The following H2AC14 variants were observed in gnomAD, a reference collection of about 807,000 sequenced individuals.
H2AC14 encodes the protein H2A clustered histone 14.
H2AC14 carries 6 observed loss-of-function variants against 5.7 expected under a neutral mutation model. That is an observed-to-expected ratio of 1.05 (90% CI 0.57 to 2.07). H2AC14 has a LOEUF of 2.07. H2AC14 is among the 30% of genes most tolerant of loss of function. H2AC14 has a pLI of 0.00. For synonymous variants in H2AC14, 121 were observed against 79.3 expected (o/e 1.53, Z -2.80); for missense variants, 136 against 174.6 (o/e 0.78, Z 1.25).
In H2AC14 at chr6:27,814,535, T is replaced by C; in HGVS notation, c.206A>G (p.Asn69Ser). ...LTAEILELAG[N>S]AARDNKKTRI... The stretch of plus-strand genomic sequence containing the variant: ...AGTCTTCTTGTTGTCGCGGGCCGCG[T>C]TGCCAGCCAGCTCCAGGATCTCGGC... The change falls in exon 1 of 1, where the codon AAC becomes AGC. Residue 69 changes from asparagine to serine, a missense_variant. Transcript: ENST00000333151. 1 of 1,609,082 alleles carries C rather than the reference T, an allele frequency of 6.2e-7. No homozygotes were observed. The highest frequency in any genetic ancestry group is 8.5e-7 in the Non-Finnish European group (1 of 1,176,396).
In H2AC14 at chr6:27,814,431, C is replaced by T; in HGVS notation, c.310G>A (p.Ala104Thr). 1 of 1,614,116 alleles carries T rather than the reference C, an allele frequency of 6.2e-7. No homozygotes were observed. The highest frequency in any genetic ancestry group is 1.3e-5 in the African/African-American group (1 of 75,010). The change falls in exon 1 of 1, where the codon GCA becomes ACA. Residue 104 changes from alanine (A) to threonine (T), a missense_variant. Physicochemically the swap from Ala to Thr is moderately conservative, Grantham distance 58. Transcript: ENST00000333151. ...ATGTTGGGCAGGACGCCACCCTGTG[C>T]GATGGTGACTTTGCCCAGAAGCTTG... ...LNKLLGKVTI[A>T]QGGVLPNIQA...
At position 27,814,760 on chromosome 6, in the gene H2AC14, T is replaced by A. The variant is rs401754; in HGVS notation, c.-20A>T. 0.1 allele frequency: 146,842 copies of A among 1,463,800 alleles called. 11,646 individuals carry two copies. The highest frequency in any genetic ancestry group is 0.18 in the African/African-American group (12,396 of 70,072). The allele number at this position is 1,463,800 out of a possible 1,614,324, so 90.7% of individuals were successfully genotyped here. A position where few individuals can be genotyped will look rare whatever the true frequency, so the allele number is the denominator to read the frequency against. ...AGACATGGCAAAAGGTCTATTACCT[T>A]TACGGTCAAGAAAGACTGAAATGAA... On this transcript the variant is annotated 5_prime_UTR_variant, in exon 1 of 1. Transcript: ENST00000333151.
Position 27,814,337 on chromosome 6 carries a change from G to A in H2AC14, c.*17C>T, listed in dbSNP as rs775772955. ...CTGAAAAGAGCCTTTGTTTTTATGC[G>A]CTTTTCAACTCGGTCTTTACTTAGT... is the stretch of plus-strand genomic sequence containing the variant. On this transcript the variant is annotated 3_prime_UTR_variant, in exon 1 of 1. Transcript: ENST00000333151. The A allele has an allele frequency of 2.5e-6, 4 of 1,606,638 alleles. No homozygotes were observed. Among genetic ancestry groups the A allele is most frequent in the Admixed American group, 3.4e-5 (2 of 58,096 alleles).
At position 27,814,630 on chromosome 6, in the gene H2AC14, T is replaced by C. The variant is rs199735306; in HGVS notation, c.111A>G (p.Lys37=). The C allele has an allele frequency of 1.2e-5, 19 of 1,565,346 alleles. No individual in the cohort carries two copies. The East Asian group carries it at 3.6e-4, about 30-fold the overall frequency. The part of the protein sequence containing the change: ...PVGRVHRLLR[K]GNYAERVGAG... ...CACCGACCCGCTCCGCATAGTTGCC[T>C]TTGCGGAGCAGGCGATGCACTCGGC... The change falls in exon 1 of 1, where the codon AAA becomes AAG. Residue 37 remains lysine (K), a synonymous_variant. Coordinates refer to ENST00000333151, the MANE Select transcript of H2AC14 (RefSeq NM_021066.3).
chr6:27,814,302 TG>T lies in H2AC14; in HGVS notation c.*51del. 6.3e-7 allele frequency: 1 copy of T among 1,588,094 alleles called. No homozygotes were observed. Among genetic ancestry groups the T allele is most frequent in the South Asian group, 1.1e-5 (1 of 87,566 alleles). On this transcript the variant is annotated 3_prime_UTR_variant, in exon 1 of 1. Coordinates refer to ENST00000333151, the MANE Select transcript of H2AC14 (RefSeq NM_021066.3). Reference sequence around the variant, plus strand: ...ACTCGTGTCATCTTTTTATGATTGTTGAAGTGGCTCTGAAAAGAGCCTTTGT... The same window carrying T: ...ACTCGTGTCATCTTTTTATGATTGTTAAGTGGCTCTGAAAAGAGCCTTTGT...
chr6:27,814,748 G>A lies in H2AC14; in HGVS notation c.-8C>T, dbSNP rs374549068. 7.7e-5 allele frequency: 119 copies of A among 1,547,126 alleles called. No individual in the cohort carries two copies. Among genetic ancestry groups the A allele is most frequent in the Middle Eastern group, 1.7e-4 (1 of 5,756 alleles). Reference sequence around the variant, plus strand: ...CTTACCACGCCCAGACATGGCAAAAGGTCTATTACCTTTACGGTCAAGAAA... The same window carrying A: ...CTTACCACGCCCAGACATGGCAAAAAGTCTATTACCTTTACGGTCAAGAAA... On this transcript the variant is annotated 5_prime_UTR_variant, in exon 1 of 1. Coordinates refer to ENST00000333151, the MANE Select transcript of H2AC14 (RefSeq NM_021066.3).
rs748335987 is a variant in H2AC14, at chr6:27,814,666, C to CT, written c.74dup (p.Phe26ValfsTer67). The CT allele has an allele frequency of 6.5e-7, 1 of 1,548,300 alleles. No individual in the cohort carries two copies. Among genetic ancestry groups the CT allele is most frequent in the Non-Finnish European group, 8.7e-7 (1 of 1,151,738 alleles). On this transcript the variant is annotated frameshift_variant, in exon 1 of 1. Transcript: ENST00000333151. LOFTEE classifies it high-confidence loss of function. The stretch of plus-strand genomic sequence containing the variant: ...GGCGATGCACTCGGCCTACGGGAAA[C>CT]TGAAGCCCGGCCCGAGAAGAGCGGG...
rs2113880995 is a variant in H2AC14, at chr6:27,814,351, TCTTTA to T, written c.385_*2del. On this transcript the variant is annotated stop_lost and 3_prime_UTR_variant, in exon 1 of 1. Coordinates refer to ENST00000333151, the MANE Select transcript of H2AC14 (RefSeq NM_021066.3). ...TGTTTTTATGCGCTTTTCAACTCGG[TCTTTA>T]CTTAGTCTTGTGGTGGCTCTCAGTT... The T allele has an allele frequency of 3.7e-6, 6 of 1,612,758 alleles. No homozygotes were observed. The highest frequency in any genetic ancestry group is 5.1e-6 in the Non-Finnish European group (6 of 1,179,320).
In H2AC14 at chr6:27,814,365, T is replaced by C; in HGVS notation, c.376A>G (p.Lys126Glu). 5.0e-6 allele frequency: 8 copies of C among 1,614,132 alleles called. No homozygotes were observed. Among genetic ancestry groups the C allele is most frequent in the Non-Finnish European group, 6.8e-6 (8 of 1,180,016 alleles). Residue 126 changes from lysine (K) to glutamate (E), a missense_variant, in exon 1 of 1, where the codon AAG (lysine) becomes GAG (glutamate). By Grantham distance (56) the Lys-to-Glu change is moderately conservative. Transcript: ENST00000333151. ...TTTCAACTCGGTCTTTACTTAGTCT[T>C]GTGGTGGCTCTCAGTTTTCTTTGGC... ...LLPKKTESHH[K>E]TK
Position 27,814,613 on chromosome 6 carries a change from C to A in H2AC14, c.128G>T (p.Arg43Leu), listed in dbSNP as rs774407719. Residue 43 changes from arginine to leucine, a missense_variant, in exon 1 of 1, where the codon CGG becomes CTG. Transcript: ENST00000333151. ...RLLRKGNYAE[R>L]VGAGAPVYLA... is the part of the protein sequence containing the mutation. Reference sequence around the variant, plus strand: ...GTACACCGGCGCTCCAGCACCGACCCGCTCCGCATAGTTGCCTTTGCGGAG... The same window carrying A: ...GTACACCGGCGCTCCAGCACCGACCAGCTCCGCATAGTTGCCTTTGCGGAG... 516 of 1,579,828 alleles carry A rather than the reference C, an allele frequency of 3.3e-4. 1 individual carries two copies. The highest frequency in any genetic ancestry group is 4.1e-4 in the Non-Finnish European group (478 of 1,161,702).
chr6:27,814,662 G>T lies in H2AC14; in HGVS notation c.79C>A (p.Pro27Thr). 6 of 1,544,636 alleles carry T rather than the reference G, an allele frequency of 3.9e-6. No homozygotes were observed. The highest frequency in any genetic ancestry group is 2.1e-5 in the Admixed American group (1 of 46,984). ...TRSSRAGLQF[P>T]VGRVHRLLRK... The stretch of plus-strand genomic sequence containing the variant: ...AGCAGGCGATGCACTCGGCCTACGG[G>T]AAACTGAAGCCCGGCCCGAGAAGAG... Residue 27 changes from proline to threonine, a missense_variant, in exon 1 of 1, where the codon CCC (proline) becomes ACC (threonine). By Grantham distance (38) the Pro-to-Thr change is conservative (BLOSUM62 -1). Around this residue, in one of 2 missense-constraint regions of H2AC14, gnomAD observed 100 missense variants for 152.3 expected, o/e 0.66. Transcript: ENST00000333151.
Position 27,814,302 on chromosome 6 carries a change from T to TG in H2AC14, c.*51dup. On this transcript the variant is annotated 3_prime_UTR_variant, in exon 1 of 1. Transcript: ENST00000333151. ...ACTCGTGTCATCTTTTTATGATTGT[T>TG]GAAGTGGCTCTGAAAAGAGCCTTTG... is the stretch of plus-strand genomic sequence containing the variant. 1.3e-6 allele frequency: 2 copies of TG among 1,588,094 alleles called. No individual in the cohort carries two copies. Among genetic ancestry groups the TG allele is most frequent in the Non-Finnish European group, 1.7e-6 (2 of 1,166,640 alleles).
Position 27,814,466 on chromosome 6 carries a change from T to C in H2AC14, c.275A>G (p.Glu92Gly). 1 of 1,613,620 alleles carries C rather than the reference T, an allele frequency of 6.2e-7. No individual in the cohort carries two copies. Among genetic ancestry groups the C allele is most frequent in the Non-Finnish European group, 8.5e-7 (1 of 1,179,698 alleles). Residue 92 changes from glutamate (E) to glycine (G), a missense_variant, in exon 1 of 1, where the codon GAG becomes GGG. Coordinates refer to ENST00000333151, the MANE Select transcript of H2AC14 (RefSeq NM_021066.3). ...RHLQLAIRNDEELNKLLGKVT... is the reference protein window; with the variant it reads ...RHLQLAIRNDGELNKLLGKVT... ...TTTGCCCAGAAGCTTGTTGAGCTCCTCATCGTTGCGGATGGCCAGCTGGAG... is the reference window on the plus strand; with the variant it reads ...TTTGCCCAGAAGCTTGTTGAGCTCCCCATCGTTGCGGATGGCCAGCTGGAG...
chr6:27,814,770 G>A lies in H2AC14; in HGVS notation c.-30C>T, dbSNP rs750264039. On this transcript the variant is annotated 5_prime_UTR_variant, in exon 1 of 1. Transcript: ENST00000333151. ...AAAGGTCTATTACCTTTACGGTCAA[G>A]AAAGACTGAAATGAAATTGGAAAAA... is the stretch of plus-strand genomic sequence containing the variant. The A allele has an allele frequency of 1.3e-5, 20 of 1,523,288 alleles. No individual in the cohort carries two copies. Among genetic ancestry groups the A allele is most frequent in the East Asian group, 6.8e-5 (3 of 44,128 alleles). 94.4% of individuals were successfully genotyped at this position (1,523,288 alleles called of 1,614,324 possible).
rs1760620271 is a variant in H2AC14 at position 27,814,654 on chromosome 6, G to A, written c.87C>T (p.Gly29=). 2.6e-6 allele frequency: 4 copies of A among 1,540,266 alleles called. No individual in the cohort carries two copies. In the East Asian group the frequency reaches 9.0e-5, roughly 35 times the overall value. Residue 29 remains glycine, a synonymous_variant, in exon 1 of 1, where the codon GGC becomes GGT. Transcript: ENST00000333151. ...CTTTGCGGAGCAGGCGATGCACTCG[G>A]CCTACGGGAAACTGAAGCCCGGCCC... ...SSRAGLQFPV[G]RVHRLLRKGN...
At position 27,814,336 on chromosome 6, in the gene H2AC14, C is replaced by A. The variant is rs770272995; in HGVS notation, c.*18G>T. ...TCTGAAAAGAGCCTTTGTTTTTATG[C>A]GCTTTTCAACTCGGTCTTTACTTAG... is the stretch of plus-strand genomic sequence containing the variant. On this transcript the variant is annotated 3_prime_UTR_variant, in exon 1 of 1. Transcript: ENST00000333151. 1 of 1,606,444 alleles carries A rather than the reference C, an allele frequency of 6.2e-7. No individual in the cohort carries two copies. The highest frequency in any genetic ancestry group is 1.3e-5 in the African/African-American group (1 of 74,372).
chr6:27,814,451 A>T lies in H2AC14; in HGVS notation c.290T>A (p.Leu97His). 1.2e-6 allele frequency: 2 copies of T among 1,613,948 alleles called. No individual in the cohort carries two copies. Among genetic ancestry groups the T allele is most frequent in the Middle Eastern group, 1.6e-4 (1 of 6,062 alleles). Residue 97 changes from leucine to histidine, a missense_variant, in exon 1 of 1, where the codon CTT (leucine) becomes CAT (histidine). By Grantham distance (99) the Leu-to-His change is moderately conservative. Transcript: ENST00000333151. The part of the protein sequence containing the change: ...AIRNDEELNK[L>H]LGKVTIAQGG... ...CTGTGCGATGGTGACTTTGCCCAGAAGCTTGTTGAGCTCCTCATCGTTGCG... is the reference window on the plus strand; with the variant it reads ...CTGTGCGATGGTGACTTTGCCCAGATGCTTGTTGAGCTCCTCATCGTTGCG...
rs532355124 is a variant in H2AC14 at position 27,814,450 on chromosome 6, A to C, written c.291T>G (p.Leu97=). The change falls in exon 1 of 1, where the codon CTT becomes CTG. Residue 97 remains leucine, a synonymous_variant. Coordinates refer to ENST00000333151, the MANE Select transcript of H2AC14 (RefSeq NM_021066.3). ...AIRNDEELNK[L]LGKVTIAQGG... The stretch of plus-strand genomic sequence containing the variant: ...CCTGTGCGATGGTGACTTTGCCCAG[A>C]AGCTTGTTGAGCTCCTCATCGTTGC... 1 of 1,613,966 alleles carries C rather than the reference A, an allele frequency of 6.2e-7. No individual in the cohort carries two copies. Among genetic ancestry groups the C allele is most frequent in the African/African-American group, 1.3e-5 (1 of 74,940 alleles).
rs1491277495 is a variant in H2AC14, at chr6:27,814,376, TCA to T, written c.363_364del (p.Ser123ProfsTer5). Reference sequence around the variant, plus strand: ...TCTTTACTTAGTCTTGTGGTGGCTCTCAGTTTTCTTTGGCAGCAGCACGGCCT... The same window carrying T: ...TCTTTACTTAGTCTTGTGGTGGCTCTGTTTTCTTTGGCAGCAGCACGGCCT... On this transcript the variant is annotated frameshift_variant, in exon 1 of 1. Coordinates refer to ENST00000333151, the MANE Select transcript of H2AC14 (RefSeq NM_021066.3). LOFTEE classifies it high-confidence loss of function. 7.4e-6 allele frequency: 12 copies of T among 1,614,064 alleles called. No homozygotes were observed. The highest frequency in any genetic ancestry group is 2.7e-5 in the African/African-American group (2 of 74,910).
Sources: allele counts gnomAD v4.1 joint callset, GRCh38; gene constraint gnomAD v4.1.1; regional missense constraint gnomAD v4.1.1; transcripts MANE v1.5; gene names NCBI Gene and HGNC (gene_info 2026-07-23, HGNC 2026-07-21).